Variants in PRUNE2 observed in about 807,000 individuals in gnomAD.
PRUNE2 encodes the protein prune homolog 2 with BCH domain, also known as protein prune homolog 2.
PRUNE2 carries 164 observed loss-of-function variants against 252.0 expected under a neutral mutation model. That is an observed-to-expected ratio of 0.65 (90% CI 0.57 to 0.74). The LOEUF is 0.74. Among genes scored for constraint, PRUNE2 ranks in the 30% least tolerant of loss-of-function variants. The pLI is 0.00. For missense variants in PRUNE2, 3,495 were observed against 3,711.0 expected (o/e 0.94, Z 1.51); for synonymous variants, 1,292 against 1,350.2 (o/e 0.96, Z 0.94).
intron 9 of PRUNE2, among the ~76,000 whole-genome samples, chr9:76,691,763 T>C (rs1258266733): frequency 6.6e-6 from 1 of 152,150 alleles, no homozygotes; most frequent in East Asian, 1.9e-4. Flanking sequence ...TCCATTTTCA[T>C]CATAAATATA....
chr9:76,782,798 A>G (rs1280187034), intron 6 of PRUNE2: 3 of 152,232 alleles, frequency 2.0e-5, no homozygotes, highest in Non-Finnish European at 4.4e-5. Context: ...TACTCAGTGC[A>G]GCAAAGAAAG....
chr9:76,616,196 C>T (rs1471348229), intron 18 of PRUNE2, among the ~76,000 whole-genome samples: 3 of 152,186 alleles, frequency 2.0e-5, no homozygotes, highest in African/African-American at 7.2e-5. Flanking sequence ...GACTTGTTTT[C>T]TTACCTGCAG....
intron 18 of PRUNE2, among the ~76,000 whole-genome samples, chr9:76,615,836 C>T (rs1236801958): frequency 6.9e-5 from 9 of 130,568 alleles, no homozygotes. Flanking sequence ...GTGGTGCGAT[C>T]TCGGCTTACT....
At chr9:76,897,378 T>G (rs984447222) in intron 1 of PRUNE2, among the ~76,000 whole-genome samples, 52 of 140,944 alleles carry the variant, frequency 3.7e-4, no homozygotes, top group Non-Finnish European at 7.5e-4. Context: ...CTATGCAACC[T>G]TAGGCAAACC....
intron 6 of PRUNE2, among the ~76,000 whole-genome samples, chr9:76,757,583 C>T (rs751014414): frequency 6.6e-6 from 1 of 152,038 alleles, no homozygotes; most frequent in Non-Finnish European, 1.5e-5. Flanking sequence ...GTGAAGGGCT[C>T]AACTGGTAAT....
rs1252088180 is a variant in PRUNE2 at position 76,683,586 on chromosome 9, T to C, written c.8276+19751A>G. On this transcript the variant is annotated intron_variant, in intron 9 of 18. Coordinates refer to ENST00000376718, the MANE Select transcript of PRUNE2 (RefSeq NM_015225.3). ...AAAATATGTATGTTCTCAGGAAGCT[T>C]ACATGTGGTATATTCTTGATTATAG... is the stretch of plus-strand genomic sequence containing the variant. 2.0e-5 allele frequency among the ~76,000 whole-genome samples: 3 copies of C among 152,300 alleles called. No individual in the cohort carries two copies. The East Asian group carries it at 5.8e-4, about 29-fold the overall frequency.
intron 9 of PRUNE2, among the ~76,000 whole-genome samples, chr9:76,658,858 T>C (rs1290710598): frequency 6.6e-6 from 1 of 152,264 alleles, no homozygotes. Context: ...CAATGTATTA[T>C]GACATATTGA....
chr9:76,709,473 A>G lies in PRUNE2; in HGVS notation c.2801T>C (p.Leu934Pro). 1.9e-6 allele frequency: 3 copies of G among 1,614,022 alleles called. No individual in the cohort carries two copies. The South Asian group carries it at 3.3e-5, about 18-fold the overall frequency. The stretch of plus-strand genomic sequence containing the variant: ...TAAGAAGGAATCTTCCCAAGGAACT[A>G]GGACATCTGACCCTCCTTTCTTCAT... Reference protein sequence around the residue: ...ENMKKGGSDVLVPWEDSFLSY... With the variant: ...ENMKKGGSDVPVPWEDSFLSY... The change falls in exon 8 of 19, where the codon CTA becomes CCA. Residue 934 changes from leucine (L) to proline (P), a missense_variant. Coordinates refer to ENST00000376718, the MANE Select transcript of PRUNE2 (RefSeq NM_015225.3).
chr9:76,725,804 C>T (rs1408599385), intron 6 of PRUNE2, among the ~76,000 whole-genome samples: 3 of 152,194 alleles, frequency 2.0e-5, no homozygotes, highest in African/African-American at 4.8e-5. Flanking sequence ...TGTGGTTTTA[C>T]TTTTGTTTGG....
At chr9:76,839,952 G>A (rs1449509732) in intron 4 of PRUNE2, among the ~76,000 whole-genome samples, 7 of 152,236 alleles carry the variant, frequency 4.6e-5, no homozygotes, top group Non-Finnish European at 1.0e-4. Context: ...AATAAAAGCA[G>A]GTTTGGAGGT....
chr9:76,820,803 G>T (rs1426604285), intron 6 of PRUNE2, among the ~76,000 whole-genome samples: 1 of 152,140 alleles, frequency 6.6e-6, no homozygotes, highest in Admixed American at 6.5e-5. Context: ...GTTGGGAGAG[G>T]AAAAAGTAGG....
At chr9:76,703,262 TA>T (rs2046041365) in intron 9 of PRUNE2, 74 bp downstream of exon 9, 1 of 1,353,036 alleles carries the variant, frequency 7.4e-7, no homozygotes, top group Non-Finnish European at 1.0e-6. Flanking sequence ...TCATATTCCA[TA>T]ACCTCTAACC....
chr9:76,816,372 AT>A (rs2057697212), intron 6 of PRUNE2, among the ~76,000 whole-genome samples: 1 of 152,104 alleles, frequency 6.6e-6, no homozygotes, highest in Admixed American at 6.5e-5. Flanking sequence ...GGGATTTTTT[AT>A]TCTTTCATCT....
intron 6 of PRUNE2, among the ~76,000 whole-genome samples, chr9:76,791,698 C>T (rs184124090): frequency 5.3e-5 from 8 of 152,218 alleles, no homozygotes; most frequent in Admixed American, 2.6e-4. Context: ...AGGAAGACCA[C>T]GGGGCATCCA....
chr9:76,676,372 A>AC (rs1232616580), intron 9 of PRUNE2, among the ~76,000 whole-genome samples: 1 of 151,746 alleles, frequency 6.6e-6, no homozygotes, highest in African/African-American at 2.4e-5. Context: ...CAATGTAAAA[A>AC]AAAATCTAAA....
Position 76,706,413 on chromosome 9 carries a change from G to A in PRUNE2, c.5861C>T (p.Pro1954Leu), listed in dbSNP as rs1284515824. 1.2e-6 allele frequency: 2 copies of A among 1,613,878 alleles called. No homozygotes were observed. The highest frequency in any genetic ancestry group is 3.3e-5 in the Admixed American group (2 of 60,000). The change falls in exon 8 of 19, where the codon CCT (proline) becomes CTT (leucine). Residue 1954 changes from proline (P) to leucine (L), a missense_variant. By Grantham distance (98) the Pro-to-Leu change is moderately conservative (BLOSUM62 -3). Coordinates refer to ENST00000376718, the MANE Select transcript of PRUNE2 (RefSeq NM_015225.3). ...AAGDELTPET[P>L]TQEQCQDTML... ...GGTGTCCTGACACTGCTCTTGGGTA[G>A]GTGTTTCAGGAGTCAGCTCATCACC...
intron 6 of PRUNE2, among the ~76,000 whole-genome samples, chr9:76,733,017 G>A (rs2048765404): frequency 1.3e-5 from 2 of 152,134 alleles, no homozygotes; most frequent in South Asian, 4.1e-4. Context: ...CATTTATATA[G>A]ATTTTTTTAA....
chr9:76,655,554 T>C, intron 9 of PRUNE2, 52 bp from the exon 10 acceptor site: 1 of 1,364,628 alleles, frequency 7.3e-7, no homozygotes, highest in Non-Finnish European at 1.0e-6. Flanking sequence ...TAAGACTTCA[T>C]TTCTTTTGAA....
At chr9:76,738,238 G>C (rs149688763) in intron 6 of PRUNE2, 2 of 152,118 alleles carry the variant, frequency 1.3e-5, no homozygotes, top group South Asian at 2.1e-4. Context: ...GCGAGCAACC[G>C]AGCTGACTGT....
Sources: allele counts gnomAD v4.1 joint callset (sites outside exome capture counted in the v4.1 genomes callset), GRCh38; gene constraint gnomAD v4.1.1; transcripts MANE v1.5; gene names NCBI Gene and HGNC (gene_info 2026-07-23, HGNC 2026-07-21).